ZBTB2: variants seen among roughly 807,000 people sequenced by gnomAD.
ZBTB2 encodes zinc finger and BTB domain-containing protein 2.
A neutral mutation model predicts 39.5 loss-of-function variants in ZBTB2; 2 were observed. The ratio of observed to expected loss-of-function variants is 0.05; its 90% CI spans 0.02 to 0.16. The LOEUF is 0.16. ZBTB2 is among the 10% of genes least tolerant of loss of function. The pLI is 1.00. For missense variants in ZBTB2, 391 were observed against 653.0 expected (o/e 0.60, Z 4.37); for synonymous variants, 251 against 256.6 (o/e 0.98, Z 0.21).
chr6:151,391,065 C>T (rs548488967), intron 1 of ZBTB2, among the ~76,000 whole-genome samples: 1 of 147,034 alleles, frequency 6.8e-6, no homozygotes, highest in Admixed American at 6.7e-5. Flanking sequence ...GGCTTCCGTC[C>T]CCTCCCCCTC....
chr6:151,383,418 T>C (rs1562770531), intron 1 of ZBTB2, among the ~76,000 whole-genome samples: 1 of 152,188 alleles, frequency 6.6e-6, no homozygotes, highest in Non-Finnish European at 1.5e-5. Flanking sequence ...TGTTTTGAAA[T>C]ACAAGGATTA....
chr6:151,373,031 T>C (rs1582916659), intron 2 of ZBTB2, among the ~76,000 whole-genome samples: 2 of 151,464 alleles, frequency 1.3e-5, no homozygotes, highest in Admixed American at 6.6e-5. Flanking sequence ...GGCGGGTGCC[T>C]GTAGTCCCAG....
At chr6:151,385,907 G>A (rs1779140343) in intron 1 of ZBTB2, among the ~76,000 whole-genome samples, 1 of 152,174 alleles carries the variant, frequency 6.6e-6, no homozygotes, top group Admixed American at 6.5e-5. Flanking sequence ...TGATAATGGA[G>A]TGGCATTTTT....
chr6:151,374,682 T>C (rs1778862348), intron 1 of ZBTB2, among the ~76,000 whole-genome samples: 1 of 151,584 alleles, frequency 6.6e-6, no homozygotes, highest in Non-Finnish European at 1.5e-5. Context: ...CTGGAAGTTC[T>C]AGCTCACGCA....
chr6:151,371,213 A>C (rs1242689194), intron 2 of ZBTB2, among the ~76,000 whole-genome samples: 1 of 152,098 alleles, frequency 6.6e-6, no homozygotes, highest in Non-Finnish European at 1.5e-5. Context: ...ACATTGATCA[A>C]GTGGCTATTC....
intron 1 of ZBTB2, among the ~76,000 whole-genome samples, chr6:151,375,514 T>A (rs1778887711): frequency 6.6e-6 from 1 of 152,174 alleles, no homozygotes; most frequent in Non-Finnish European, 1.5e-5. Context: ...ACAAAATTAT[T>A]CTAAAATGTA....
intron 1 of ZBTB2, among the ~76,000 whole-genome samples, chr6:151,377,754 T>C (rs1778949973): frequency 1.3e-5 from 2 of 151,962 alleles, no homozygotes; most frequent in South Asian, 4.2e-4. Flanking sequence ...CAGGACAGTC[T>C]TGATCTCCTG....
chr6:151,367,008 T>C, intron 2 of ZBTB2, 116 bp from the exon 3 acceptor site: 1 of 1,117,442 alleles, frequency 8.9e-7, no homozygotes, highest in Non-Finnish European at 1.2e-6. Context: ...CTATCCTTGA[T>C]TTTTAGTAAG....
chr6:151,365,348 T>C lies in ZBTB2; in HGVS notation c.*173A>G. ...AAAGAAAGTCGATACATTCCAGGTT[T>C]ATAATGCACAAAGCCTTTACAGAGG... is the stretch of plus-strand genomic sequence containing the variant. On this transcript the variant is annotated 3_prime_UTR_variant, in exon 3 of 3. Coordinates refer to ENST00000325144, the MANE Select transcript of ZBTB2 (RefSeq NM_020861.3). The surrounding 1 kb of genome is among the most constrained non-coding windows in gnomAD (Gnocchi z 5.6). The C allele has an allele frequency of 1.4e-6, 1 of 691,520 alleles. No homozygotes were observed. Among genetic ancestry groups the C allele is most frequent in the Non-Finnish European group, 2.4e-6 (1 of 424,066 alleles). 42.8% of individuals were successfully genotyped at this position (691,520 alleles called of 1,614,324 possible).
At chr6:151,370,436 C>T (rs558830070) in intron 2 of ZBTB2, among the ~76,000 whole-genome samples, 4 of 152,128 alleles carry the variant, frequency 2.6e-5, no homozygotes, top group African/African-American at 4.8e-5. Context: ...TAGTAATTTC[C>T]GTTTTCAATT....
At chr6:151,370,205 G>A in intron 2 of ZBTB2, 4 of 428,410 alleles carry the variant, frequency 9.3e-6, no homozygotes, top group Non-Finnish European at 1.2e-5. Flanking sequence ...ACACGATCTC[G>A]GCTTACTGCA....
At chr6:151,379,931 T>G (rs936546600) in intron 1 of ZBTB2, among the ~76,000 whole-genome samples, 15 of 152,276 alleles carry the variant, frequency 9.9e-5, no homozygotes, top group African/African-American at 3.1e-4. Flanking sequence ...AAGCATTCTA[T>G]TCAGACCATA....
intron 1 of ZBTB2, among the ~76,000 whole-genome samples, chr6:151,378,542 C>CCTGA (rs1442668906): frequency 1.3e-5 from 2 of 152,226 alleles, no homozygotes; most frequent in Non-Finnish European, 2.9e-5. Context: ...ATCACTCTAA[C>CCTGA]CTGACCTCCA....
At chr6:151,386,230 G>A (rs540141528) in intron 1 of ZBTB2, among the ~76,000 whole-genome samples, 2 of 152,238 alleles carry the variant, frequency 1.3e-5, no homozygotes, top group East Asian at 3.9e-4. Context: ...ACTTACAGAT[G>A]ATTACACACG....
chr6:151,381,132 A>C (rs1779025931), intron 1 of ZBTB2, among the ~76,000 whole-genome samples: 1 of 151,974 alleles, frequency 6.6e-6, no homozygotes, highest in African/African-American at 2.4e-5. Context: ...CTCCCAACTC[A>C]TCTCTCCATC....
At chr6:151,385,150 T>C (rs1779125511) in intron 1 of ZBTB2, among the ~76,000 whole-genome samples, 1 of 152,206 alleles carries the variant, frequency 6.6e-6, no homozygotes, top group African/African-American at 2.4e-5. Context: ...GCAGTGCCTA[T>C]AAATGGGTTT....
At chr6:151,390,488 G>A (rs1330031409) in intron 1 of ZBTB2, among the ~76,000 whole-genome samples, 1 of 149,844 alleles carries the variant, frequency 6.7e-6, no homozygotes, top group Non-Finnish European at 1.5e-5. Context: ...ACACAATGCC[G>A]ACGCCTACGC....
chr6:151,366,790 C>T lies in ZBTB2; in HGVS notation c.276G>A (p.Pro92=), dbSNP rs202133568. Residue 92 remains proline (P), a synonymous_variant, in exon 3 of 3, where the codon CCG becomes CCA. Coordinates refer to ENST00000325144, the MANE Select transcript of ZBTB2 (RefSeq NM_020861.3). The surrounding 1 kb of genome is among the most constrained non-coding windows in gnomAD (Gnocchi z 7.1). ...TGKMAPQLID[P]VRLEQGIKFL... is the part of the protein sequence containing the mutation. ...ACTTGATGCCCTGTTCTAATCGAAC[C>T]GGGTCGATGAGCTGAGGCGCCATCT... 3.0e-5 allele frequency: 48 copies of T among 1,614,008 alleles called. No individual in the cohort carries two copies. The highest frequency in any genetic ancestry group is 3.1e-5 in the Non-Finnish European group (37 of 1,180,000).
intron 1 of ZBTB2, 131 bp downstream of exon 1, chr6:151,391,289 T>C (rs570259832): frequency 2.0e-5 from 3 of 151,952 alleles, no homozygotes; most frequent in South Asian, 2.1e-4. Context: ...TCGTCGTCTT[T>C]GTTGCCACCG....
Sources: allele counts gnomAD v4.1 joint callset (sites outside exome capture counted in the v4.1 genomes callset), GRCh38; gene constraint gnomAD v4.1.1; non-coding constraint Gnocchi (gnomAD v3.1); transcripts MANE v1.5; gene names NCBI Gene and HGNC (gene_info 2026-07-23, HGNC 2026-07-21).